CDC37L1: variants seen among roughly 807,000 people sequenced by gnomAD.
CDC37L1 encodes cell division cycle 37 like 1, HSP90 cochaperone.
A neutral mutation model predicts 45.9 loss-of-function variants in CDC37L1; 32 were observed. That is an observed-to-expected ratio of 0.70 (90% CI 0.53 to 0.94). The LOEUF is 0.94. CDC37L1 is among the 40% of genes least tolerant of loss of function. CDC37L1 has a pLI of 0.00. For missense variants in CDC37L1, 434 were observed against 405.7 expected (o/e 1.07, Z -0.60); for synonymous variants, 150 against 133.0 (o/e 1.13, Z -0.88).
At chr9:4,703,394 A>G (rs1024247194) in intron 6 of CDC37L1, among the ~76,000 whole-genome samples, 1 of 151,394 alleles carries the variant, frequency 6.6e-6, no homozygotes, top group Non-Finnish European at 1.5e-5. Context: ...GGAAATAATT[A>G]ATGTTTGATT....
intron 5 of CDC37L1, among the ~76,000 whole-genome samples, chr9:4,701,478 C>T (rs1841395413): frequency 2.0e-5 from 3 of 152,010 alleles, no homozygotes; most frequent in Admixed American, 2.0e-4. Context: ...TAAGAATATC[C>T]CTTGATTGTT....
intron 6 of CDC37L1, among the ~76,000 whole-genome samples, chr9:4,702,496 T>G (rs1382263378): frequency 6.6e-6 from 1 of 152,198 alleles, no homozygotes; most frequent in East Asian, 1.9e-4. Flanking sequence ...TATAACATTT[T>G]TAGAACACAT....
chr9:4,703,686 A>G (rs769616332), intron 6 of CDC37L1, among the ~76,000 whole-genome samples: 1 of 152,246 alleles, frequency 6.6e-6, no homozygotes, highest in Non-Finnish European at 1.5e-5. Context: ...TATAAGAGGG[A>G]AAGATACACA....
At chr9:4,698,748 G>T (rs549545546) in intron 5 of CDC37L1, among the ~76,000 whole-genome samples, 13 of 152,154 alleles carry the variant, frequency 8.5e-5, no homozygotes, top group Non-Finnish European at 1.6e-4. Context: ...GTTCTCTGTC[G>T]AAACTATTTT....
At chr9:4,698,791 C>A (rs1841372004) in intron 5 of CDC37L1, among the ~76,000 whole-genome samples, 2 of 152,210 alleles carry the variant, frequency 1.3e-5, no homozygotes, top group Admixed American at 6.5e-5. Context: ...TTTTAATTTT[C>A]ATTTTCATTC....
At chr9:4,697,465 T>G (rs535854691) in intron 4 of CDC37L1, among the ~76,000 whole-genome samples, 1 of 152,236 alleles carries the variant, frequency 6.6e-6, no homozygotes, top group African/African-American at 2.4e-5. Flanking sequence ...TCTCTCTTGT[T>G]TTCATATTAC....
At chr9:4,689,207 C>T (rs1841278939) in intron 3 of CDC37L1, among the ~76,000 whole-genome samples, 1 of 152,040 alleles carries the variant, frequency 6.6e-6, no homozygotes, top group African/African-American at 2.4e-5. Flanking sequence ...AAGCCAACAG[C>T]AACAGCATGA....
chr9:4,703,272 T>C (rs1396097870), intron 6 of CDC37L1: 1 of 477,032 alleles, frequency 2.1e-6, no homozygotes, highest in Non-Finnish European at 3.4e-6. Flanking sequence ...TCCAATTACA[T>C]GTATGTCCTT....
chr9:4,679,637 G>A lies in CDC37L1; in HGVS notation c.-131G>A, dbSNP rs1468673171. 4 of 795,198 alleles carry A rather than the reference G, an allele frequency of 5.0e-6. No individual in the cohort carries two copies. Among genetic ancestry groups the A allele is most frequent in the East Asian group, 6.0e-5 (2 of 33,104 alleles). The allele number at this position is 795,198 out of a possible 1,614,324, so 49.3% of individuals were successfully genotyped here. ...GTGCAGCGGCGTCGCGGCCAGTAGA[G>A]GGATTCTGGGTAACGGCCCGGACCC... On this transcript the variant is annotated 5_prime_UTR_variant, in exon 1 of 7. Coordinates refer to ENST00000381854, the MANE Select transcript of CDC37L1 (RefSeq NM_017913.4).
rs373626026 is a variant in CDC37L1 at position 4,680,149 on chromosome 9, C to T, written c.132+250C>T. Among the ~76,000 whole-genome samples the T allele has an allele frequency of 3.9e-5, 6 of 152,340 alleles. No individual in the cohort carries two copies. In the East Asian group the frequency reaches 7.7e-4, roughly 20 times the overall value. ...TGTTTTCTTTCGCCTTGGCTGATTC[C>T]TGTTCACTCTTGGAATACCTTCCTC... On this transcript the variant is annotated intron_variant, in intron 1 of 6. Transcript: ENST00000381854.
At chr9:4,697,635 G>C (rs1009704814) in intron 4 of CDC37L1, 122 bp from the exon 5 acceptor site, 1 of 579,338 alleles carries the variant, frequency 1.7e-6, no homozygotes, top group Non-Finnish European at 3.0e-6. Flanking sequence ...TGTTTGTAAA[G>C]TATTTGACTT....
chr9:4,705,990 C>A, intron 6 of CDC37L1, 21 bp from the exon 7 acceptor site: 1 of 1,218,984 alleles, frequency 8.2e-7, no homozygotes, highest in Non-Finnish European at 1.2e-6. Flanking sequence ...TCCCCCCAAT[C>A]TACCTTTTCT....
intron 1 of CDC37L1, among the ~76,000 whole-genome samples, chr9:4,682,139 T>C (rs927459197): frequency 6.6e-6 from 1 of 151,202 alleles, no homozygotes; most frequent in Admixed American, 6.6e-5. Context: ...CATATTACTT[T>C]TCTTGATATA....
At chr9:4,693,647 A>G (rs1841321705) in intron 3 of CDC37L1, among the ~76,000 whole-genome samples, 1 of 152,120 alleles carries the variant, frequency 6.6e-6, no homozygotes, top group Non-Finnish European at 1.5e-5. Flanking sequence ...AAATATCTAA[A>G]CTTGTCAAAG....
intron 5 of CDC37L1, among the ~76,000 whole-genome samples, chr9:4,698,162 C>T (rs73643844): frequency 0.037 from 5,699 of 152,066 alleles, 370 homozygotes; most frequent in African/African-American, 0.13. Context: ...TCAGTAAATA[C>T]TGAGTGCCTA....
At chr9:4,698,463 T>A (rs1841367578) in intron 5 of CDC37L1, among the ~76,000 whole-genome samples, 1 of 149,786 alleles carries the variant, frequency 6.7e-6, no homozygotes, top group Non-Finnish European at 1.5e-5. Flanking sequence ...GTTGGCTATG[T>A]TGAAGAAAAA....
intron 6 of CDC37L1, among the ~76,000 whole-genome samples, chr9:4,704,100 G>C (rs911221225): frequency 1.3e-5 from 2 of 152,118 alleles, no homozygotes; most frequent in Non-Finnish European, 2.9e-5. Flanking sequence ...CAGTTTAGAG[G>C]TTTGGAAGAA....
At chr9:4,694,048 G>T (rs538455436) in intron 3 of CDC37L1, among the ~76,000 whole-genome samples, 2 of 152,256 alleles carry the variant, frequency 1.3e-5, no homozygotes, top group South Asian at 4.1e-4. Flanking sequence ...AGTAATTTGA[G>T]GTATATGCTG....
At chr9:4,683,595 C>T (rs1255922486) in intron 1 of CDC37L1, among the ~76,000 whole-genome samples, 3 of 151,916 alleles carry the variant, frequency 2.0e-5, no homozygotes, top group South Asian at 2.1e-4. Context: ...AATAACATCA[C>T]GAAGGGCTTT....
Sources: allele counts gnomAD v4.1 joint callset (sites outside exome capture counted in the v4.1 genomes callset), GRCh38; gene constraint gnomAD v4.1.1; transcripts MANE v1.5; gene names NCBI Gene and HGNC (gene_info 2026-07-23, HGNC 2026-07-21).